BCAR3: variants seen among roughly 807,000 people sequenced by gnomAD.
BCAR3 encodes the protein breast cancer anti-estrogen resistance protein 3.
A neutral mutation model predicts 80.1 loss-of-function variants in BCAR3; 37 were observed. The ratio of observed to expected loss-of-function variants is 0.46; its 90% CI spans 0.36 to 0.61. The LOEUF is 0.61. Ranked by LOEUF, BCAR3 falls within the 20% of genes least tolerant of loss-of-function variation. The pLI, the probability that BCAR3 is intolerant of heterozygous loss-of-function variation, is 0.00. For missense variants in BCAR3, 978 were observed against 1,068.2 expected (o/e 0.92, Z 1.18); for synonymous variants, 389 against 418.9 (o/e 0.93, Z 0.87).
intron 3 of BCAR3, among the ~76,000 whole-genome samples, chr1:93,636,320 G>A (rs1451755161): frequency 6.6e-6 from 1 of 152,212 alleles, no homozygotes; most frequent in Non-Finnish European, 1.5e-5. Flanking sequence ...CTCAGAGACT[G>A]TAGGTCATTC....
In BCAR3 at chr1:93,674,697, G is replaced by A. The variant is rs542123457; in HGVS notation, c.234C>T (p.Ser78=). The change falls in exon 2 of 12, where the codon TCC becomes TCT. Residue 78 remains serine, a synonymous_variant. Transcript: ENST00000260502. ...SHMGTLPHSK[S]PRQNSPVTQD... ...GGGTCACAGGCGAGTTCTGCCGTGG[G>A]GATTTGGAGTGGGGGAGGGTGCCCA... The A allele has an allele frequency of 2.8e-5, 46 of 1,614,084 alleles. 1 individual carries two copies. The South Asian group carries it at 5.1e-4, about 18-fold the overall frequency.
intron 3 of BCAR3, among the ~76,000 whole-genome samples, chr1:93,628,903 T>C (rs1443582154): frequency 6.6e-6 from 1 of 152,206 alleles, no homozygotes; most frequent in Non-Finnish European, 1.5e-5. Flanking sequence ...AATGACTATG[T>C]ACTAACCACA....
At chr1:93,618,921 T>G (rs1394651679) in intron 3 of BCAR3, among the ~76,000 whole-genome samples, 1 of 143,436 alleles carries the variant, frequency 7.0e-6, no homozygotes, top group African/African-American at 2.8e-5. Context: ...CCTGAAGCCG[T>G]GGGTTTTTTT....
At chr1:93,743,984 G>T (rs1309876405) in intron 2 of BCAR3, among the ~76,000 whole-genome samples, 1 of 152,154 alleles carries the variant, frequency 6.6e-6, no homozygotes, top group African/African-American at 2.4e-5. Flanking sequence ...GTGCAGGGAA[G>T]ACCCATGGAT....
At chr1:93,650,584 A>G (rs768968402) in intron 2 of BCAR3, among the ~76,000 whole-genome samples, 66 of 152,218 alleles carry the variant, frequency 4.3e-4, no homozygotes, top group Middle Eastern at 3.2e-3. Context: ...GAATAATAGT[A>G]CTTGTATCAT....
At chr1:93,566,993 GC>G (rs1230420646) in intron 11 of BCAR3, among the ~76,000 whole-genome samples, 9 of 152,156 alleles carry the variant, frequency 5.9e-5, no homozygotes, top group Middle Eastern at 3.2e-3. Context: ...CTCCCAGAGT[GC>G]TGGGATTACA....
intron 3 of BCAR3, among the ~76,000 whole-genome samples, chr1:93,630,054 C>T (rs1425071579): frequency 6.6e-6 from 1 of 152,114 alleles, no homozygotes; most frequent in Non-Finnish European, 1.5e-5. Flanking sequence ...AATTTAAGTG[C>T]CCAGTGTGTG....
At chr1:93,618,221 G>A (rs1377807368) in intron 3 of BCAR3, among the ~76,000 whole-genome samples, 1 of 152,244 alleles carries the variant, frequency 6.6e-6, no homozygotes, top group Non-Finnish European at 1.5e-5. Context: ...AACAATGCCT[G>A]CGCCCTCTGG....
At chr1:93,652,374 G>A (rs1676351240) in intron 2 of BCAR3, among the ~76,000 whole-genome samples, 1 of 152,324 alleles carries the variant, frequency 6.6e-6, no homozygotes, top group Admixed American at 6.5e-5. Context: ...TTTAAATGCA[G>A]AAATGCTGTG....
chr1:93,619,321 C>A (rs1557624724), intron 3 of BCAR3, among the ~76,000 whole-genome samples: 1 of 152,038 alleles, frequency 6.6e-6, no homozygotes, highest in Non-Finnish European at 1.5e-5. Flanking sequence ...ACTGGCCCAA[C>A]CAGAAACAGA....
intron 3 of BCAR3, among the ~76,000 whole-genome samples, chr1:93,695,616 T>G (rs1391893503): frequency 6.6e-6 from 1 of 152,182 alleles, no homozygotes; most frequent in Non-Finnish European, 1.5e-5. Context: ...CTTGCTCAAT[T>G]TTATGCCCCT....
intron 2 of BCAR3, among the ~76,000 whole-genome samples, chr1:93,835,866 A>G (rs1468267847): frequency 6.6e-6 from 1 of 152,154 alleles, no homozygotes; most frequent in Non-Finnish European, 1.5e-5. Flanking sequence ...AGGGTCTGAG[A>G]AGGCCACCGC....
rs766032359 is a variant in BCAR3, at chr1:93,567,392, A to C, written c.2186T>G (p.Met729Arg). The C allele has an allele frequency of 6.2e-6, 10 of 1,613,930 alleles. No individual in the cohort carries two copies. The African/African-American group carries it at 1.2e-4, about 19-fold the overall frequency. ...RQAVTFEGTD[M>R]WEKNDQSCEI... is the part of the protein sequence containing the mutation. ...ACAGCTCTGGTCGTTTTTTTCCCAC[A>C]TGTCGGTTCCTTCAAAAGTCACAGC... is the stretch of plus-strand genomic sequence containing the variant. The change falls in exon 11 of 12, where the codon ATG (methionine) becomes AGG (arginine). Residue 729 changes from methionine to arginine, a missense_variant. Physicochemically the swap from Met to Arg is moderately conservative, Grantham distance 91. Coordinates refer to ENST00000260502, the MANE Select transcript of BCAR3 (RefSeq NM_003567.4).
intron 3 of BCAR3, among the ~76,000 whole-genome samples, chr1:93,615,482 A>C (rs1675088873): frequency 6.6e-6 from 1 of 152,218 alleles, no homozygotes; most frequent in South Asian, 2.1e-4. Context: ...TCCCTCACTC[A>C]TTCTCCTCTC....
chr1:93,843,501 G>A (rs1340514232), intron 2 of BCAR3, among the ~76,000 whole-genome samples: 2 of 152,216 alleles, frequency 1.3e-5, no homozygotes, highest in Non-Finnish European at 2.9e-5. Context: ...TAAGGATCAT[G>A]TCCTGCAAAT....
chr1:93,809,861 TTA>T (rs71749575), intron 2 of BCAR3, among the ~76,000 whole-genome samples: 13,259 of 151,400 alleles, frequency 0.088, 1,180 homozygotes, highest in African/African-American at 0.22. Context: ...GATAAGCAGT[TTA>T]TAAGACGGTG....
intron 2 of BCAR3, among the ~76,000 whole-genome samples, chr1:93,811,516 T>C (rs575978825): frequency 6.6e-6 from 1 of 152,248 alleles, no homozygotes; most frequent in African/African-American, 2.4e-5. Flanking sequence ...CTCTTAGTTT[T>C]AAGACTCTTC....
chr1:93,710,394 A>C (rs1014448352), intron 2 of BCAR3, among the ~76,000 whole-genome samples: 1 of 152,162 alleles, frequency 6.6e-6, no homozygotes, highest in African/African-American at 2.4e-5. Context: ...CTTGAAGGGC[A>C]CCTTTGAGTA....
intron 7 of BCAR3, among the ~76,000 whole-genome samples, chr1:93,578,398 A>G (rs1327198660): frequency 6.6e-6 from 1 of 152,204 alleles, no homozygotes; most frequent in Non-Finnish European, 1.5e-5. Flanking sequence ...GACTTAGAAA[A>G]GACGTATGAA....
Sources: gnomAD v4.1 joint callset for allele counts (sites outside exome capture counted in the v4.1 genomes callset) on GRCh38, gnomAD v4.1.1 for gene constraint, MANE v1.5 for transcripts, NCBI Gene and HGNC (gene_info 2026-07-23, HGNC 2026-07-21) for gene names.